The following PIEZO1 variants were observed in gnomAD, a reference collection of about 807,000 sequenced individuals.
PIEZO1 encodes piezo-type mechanosensitive ion channel component 1.
Under a neutral mutation model 297.2 loss-of-function variants are expected in PIEZO1, and 296 were observed. The ratio of observed to expected loss-of-function variants is 1.00; its 90% confidence interval spans 0.91 to 1.10. The LOEUF is 1.10. PIEZO1 is among the 50% of genes least tolerant of loss of function. The probability of loss-of-function intolerance (pLI) is 0.00; values close to 1 mark genes in which losing one functional copy is unlikely to be tolerated. For synonymous variants in PIEZO1, 2,427 were observed against 1,507.5 expected (o/e 1.61, Z -14.13); for missense variants, 5,018 against 3,455.5 (o/e 1.45, Z -11.34).
chr16:88,736,037 A>G, intron 12 of PIEZO1, 111 bp downstream of exon 12: 2 of 1,102,676 alleles, frequency 1.8e-6, no homozygotes, highest in Non-Finnish European at 2.6e-6. Context: ...AGACAGACAC[A>G]TCTGCCTTCT....
intron 10 of PIEZO1, 95 bp downstream of exon 10, chr16:88,737,464 G>T: frequency 1.2e-6 from 1 of 817,260 alleles, no homozygotes; most frequent in Non-Finnish European, 1.9e-6. Context: ...GGTGCGGCGC[G>T]AGCATGCGAG....
intron 19 of PIEZO1, 178 bp from the exon 20 acceptor site, chr16:88,732,910 G>A: frequency 7.8e-6 from 5 of 637,182 alleles, no homozygotes; most frequent in East Asian, 2.8e-5. Flanking sequence ...TGAGAAACAG[G>A]GAGACCACGG....
At chr16:88,752,888 C>G (rs1173326470) in intron 1 of PIEZO1, among the ~76,000 whole-genome samples, 2 of 151,772 alleles carry the variant, frequency 1.3e-5, no homozygotes, top group Non-Finnish European at 2.9e-5. Context: ...ATCCATTCAT[C>G]CATTCATCCA....
In PIEZO1 at chr16:88,726,978, G is replaced by T. The variant is rs1229796531; in HGVS notation, c.3456-20C>A. On this transcript the variant is annotated intron_variant, in intron 24 of 50. Transcript: ENST00000301015. ...TAGGACCTGCCAGGCCGGAGCGTCA[G>T]GGCGGGCGCCCCGGCCACCCCTCCC... The T allele has an allele frequency of 6.5e-7, 1 of 1,549,384 alleles. No individual in the cohort carries two copies. The highest frequency in any genetic ancestry group is 8.7e-7 in the Non-Finnish European group (1 of 1,146,194).
rs1369841192 is a variant in PIEZO1, at chr16:88,717,490, G to C, written c.6472-279C>G. On this transcript the variant is annotated intron_variant, in intron 44 of 50. Transcript: ENST00000301015. ...CACGGTGCAGGCACCGCCCCAGGCAGGAGAATGAAACGCAACTCCTGCCTC... is the reference window on the plus strand; with the variant it reads ...CACGGTGCAGGCACCGCCCCAGGCACGAGAATGAAACGCAACTCCTGCCTC... The C allele has an allele frequency of 5.1e-6, 3 of 590,216 alleles. No individual in the cohort carries two copies. The East Asian group carries it at 1.1e-4, about 21-fold the overall frequency. The allele number at this position is 590,216 out of a possible 1,614,324, so 36.6% of individuals were successfully genotyped here. A position where few individuals can be genotyped will look rare whatever the true frequency, so the allele number is the denominator to read the frequency against.
intron 1 of PIEZO1, among the ~76,000 whole-genome samples, chr16:88,770,482 C>G (rs1907373850): frequency 1.3e-5 from 2 of 152,324 alleles, no homozygotes; most frequent in South Asian, 4.1e-4. Flanking sequence ...CAGAGTCTGC[C>G]AGGACACTGA....
In PIEZO1 at chr16:88,725,587, G is replaced by C. The variant is rs569079329; in HGVS notation, c.4058+8C>G. 1 of 1,541,860 alleles carries C rather than the reference G, an allele frequency of 6.5e-7. No individual in the cohort carries two copies. The highest frequency in any genetic ancestry group is 2.0e-5 in the Admixed American group (1 of 50,946). The stretch of plus-strand genomic sequence containing the variant: ...GAGCCGGGGAGTCCCCGCCCCAGAG[G>C]CACCTACTGTCTTTTCAGCTGGGCC... On this transcript the variant is annotated splice_region_variant and intron_variant, in intron 28 of 50. Transcript: ENST00000301015.
At position 88,715,935 on chromosome 16, in the gene PIEZO1, G is replaced by A. The variant is rs755241005; in HGVS notation, c.7314C>T (p.Tyr2438=). 7.2e-5 allele frequency: 112 copies of A among 1,549,084 alleles called. No homozygotes were observed. The highest frequency in any genetic ancestry group is 1.8e-4 in the Admixed American group (9 of 50,970). ...TGCCCCCCCAGCCACTCACTCACCC[G>A]TAGCCAGCCAGGAAGCCGAGGCTCG... ...SPPSLGFLAG[Y]GIMGLYVSIV... Residue 2438 remains tyrosine (Y), a splice_region_variant and synonymous_variant, in exon 50 of 51, where the codon TAC becomes TAT. Transcript: ENST00000301015.
rs77206797 is a variant in PIEZO1, at chr16:88,732,150, T to C, written c.2991+185A>G. 0.026 allele frequency among the ~76,000 whole-genome samples: 3,999 copies of C among 152,032 alleles called. 84 individuals are homozygous for C. The highest frequency in any genetic ancestry group is 0.051 in the Middle Eastern group (15 of 294). On this transcript the variant is annotated intron_variant, in intron 21 of 50. Transcript: ENST00000301015. ...GTAGAGCAGATCTAACTTGGCCCCC[T>C]GCCTGTTGTCAGCACCGACACACCA... is the stretch of plus-strand genomic sequence containing the variant.
intron 22 of PIEZO1, among the ~76,000 whole-genome samples, chr16:88,730,871 C>A (rs141067831): frequency 5.3e-5 from 8 of 152,330 alleles, no homozygotes; most frequent in Non-Finnish European, 1.0e-4. Context: ...ATGGGAATCC[C>A]AGCTGACAGA....
At chr16:88,748,932 CAAAAA>C (rs869031857) in intron 2 of PIEZO1, among the ~76,000 whole-genome samples, 24 of 45,228 alleles carry the variant, frequency 5.3e-4, no homozygotes, top group African/African-American at 2.1e-3. Flanking sequence ...GACTCGGTCT[CAAAAA>C]AAAAAAAAAA....
chr16:88,722,802 G>A (rs1252340534), intron 34 of PIEZO1, 35 bp downstream of exon 34: 1 of 1,537,912 alleles, frequency 6.5e-7, no homozygotes, highest in African/African-American at 1.4e-5. Context: ...TAGTCAGGCA[G>A]AGCAGGGACG....
At position 88,723,346 on chromosome 16, in the gene PIEZO1, G is replaced by T. The variant is rs1327329568; in HGVS notation, c.4336-18C>A. The T allele has an allele frequency of 6.5e-7, 1 of 1,536,254 alleles. No homozygotes were observed. The highest frequency in any genetic ancestry group is 1.4e-5 in the African/African-American group (1 of 73,036). On this transcript the variant is annotated intron_variant, in intron 31 of 50. Transcript: ENST00000301015. The stretch of plus-strand genomic sequence containing the variant: ...TACGCCAGCTGTCGGCCAGCCCCCG[G>T]GTTAGGACCCGGCCTCCCGAGCCAT...
intron 1 of PIEZO1, among the ~76,000 whole-genome samples, chr16:88,767,188 C>G (rs771944422): frequency 6.6e-6 from 1 of 152,192 alleles, no homozygotes; most frequent in Non-Finnish European, 1.5e-5. Context: ...CAGAAGGAAA[C>G]GGTCTCATGA....
intron 36 of PIEZO1, 46 bp from the exon 37 acceptor site, chr16:88,722,112 G>A (rs769861032): frequency 1.3e-6 from 2 of 1,529,130 alleles, no homozygotes; most frequent in Admixed American, 2.0e-5. Flanking sequence ...ACTGCCCGAA[G>A]GCATGACGGC....
intron 1 of PIEZO1, among the ~76,000 whole-genome samples, chr16:88,776,335 G>A (rs1040320631): frequency 1.3e-5 from 2 of 152,184 alleles, no homozygotes; most frequent in African/African-American, 4.8e-5. Context: ...TCGGGAGGCT[G>A]AGGAAGGAGA....
At chr16:88,783,240 G>C (rs1908016683) in intron 1 of PIEZO1, among the ~76,000 whole-genome samples, 1 of 152,198 alleles carries the variant, frequency 6.6e-6, no homozygotes, top group Non-Finnish European at 1.5e-5. Context: ...CAATGCCCAG[G>C]GGGCAGCAAA....
At position 88,715,924 on chromosome 16, in the gene PIEZO1, C is replaced by G. The variant is rs1326197721; in HGVS notation, c.7316+9G>C. On this transcript the variant is annotated intron_variant, in intron 50 of 50. Transcript: ENST00000301015. ...GAGCTGCGGGGTGCCCCCCCAGCCA[C>G]TCACTCACCCGTAGCCAGCCAGGAA... 2 of 1,547,476 alleles carry G rather than the reference C, an allele frequency of 1.3e-6. No homozygotes were observed. Among genetic ancestry groups the G allele is most frequent in the East Asian group, 2.4e-5 (1 of 40,836 alleles).
intron 1 of PIEZO1, among the ~76,000 whole-genome samples, chr16:88,772,562 C>T (rs1402042383): frequency 2.6e-5 from 4 of 152,094 alleles, no homozygotes; most frequent in Non-Finnish European, 5.9e-5. Context: ...AAGCAGATCA[C>T]GAGGTCAACA....
Sources: gnomAD v4.1 joint callset for allele counts (sites outside exome capture counted in the v4.1 genomes callset) on GRCh38, gnomAD v4.1.1 for gene constraint, MANE v1.5 for transcripts, NCBI Gene and HGNC (gene_info 2026-07-23, HGNC 2026-07-21) for gene names.